The following CCNL2 variants were observed in gnomAD, a reference collection of about 807,000 sequenced individuals.
CCNL2 encodes cyclin L2.
CCNL2 carries 28 observed loss-of-function variants against 59.1 expected under a neutral mutation model. That is an observed-to-expected ratio of 0.47 (90% CI 0.35 to 0.65). The LOEUF (loss-of-function observed/expected upper bound fraction) is 0.65, where lower values mean the gene tolerates loss of function less well. Ranked by LOEUF, CCNL2 falls within the 30% of genes least tolerant of loss-of-function variation. The pLI, the probability that CCNL2 is intolerant of heterozygous loss-of-function variation, is 0.00. For missense variants in CCNL2, 714 were observed against 717.4 expected (o/e 1.00, Z 0.05); for synonymous variants, 342 against 288.6 (o/e 1.19, Z -1.88).
intron 5 of CCNL2, chr1:1,391,693 G>A (rs902274354): frequency 1.6e-5 from 9 of 573,848 alleles, no homozygotes; most frequent in East Asian, 1.8e-4. Context: ...TTCATATTTA[G>A]AAGCTATAAA....
intron 5 of CCNL2, chr1:1,391,299 A>T (rs1644748364): frequency 8.7e-7 from 1 of 1,148,278 alleles, no homozygotes; most frequent in Non-Finnish European, 1.1e-6. Flanking sequence ...ATGCAAACTC[A>T]AATGAACTGG....
Position 1,399,213 on chromosome 1 carries a change from A to C in CCNL2, c.94T>G (p.Ser32Ala), listed in dbSNP as rs1388319925. The change falls in exon 1 of 11, where the codon TCG becomes GCG. Residue 32 changes from serine to alanine, a missense_variant. Around this residue, in one of 5 missense-constraint regions of CCNL2, gnomAD observed 270 missense variants for 254.9 expected, o/e 1.06. Transcript: ENST00000400809. ...CTGTCCCCGATCAGCACCCCCTGCGACCCTGAGGGTGCGCCCCCAGATCCC... is the reference window on the plus strand; with the variant it reads ...CTGTCCCCGATCAGCACCCCCTGCGCCCCTGAGGGTGCGCCCCCAGATCCC... ...APGSGGAPSGSQGVLIGDRLY... is the reference protein window; with the variant it reads ...APGSGGAPSGAQGVLIGDRLY... The C allele has an allele frequency of 6.2e-7, 1 of 1,602,568 alleles. No homozygotes were observed. The highest frequency in any genetic ancestry group is 1.4e-5 in the African/African-American group (1 of 72,892).
chr1:1,392,667 C>G, intron 5 of CCNL2: 1 of 1,531,348 alleles, frequency 6.5e-7, no homozygotes. Flanking sequence ...CATGGCTATG[C>G]TATGTGCGTA....
In CCNL2 at chr1:1,395,910, G is replaced by A. The variant is rs150877112; in HGVS notation, c.474-396C>T. Among the ~76,000 whole-genome samples the A allele has an allele frequency of 7.5e-3, 1,140 of 152,292 alleles. 10 individuals carry two copies. The highest frequency in any genetic ancestry group is 0.025 in the African/African-American group (1,038 of 41,552). On this transcript the variant is annotated intron_variant, in intron 3 of 10. Coordinates refer to ENST00000400809, the MANE Select transcript of CCNL2 (RefSeq NM_030937.6). ...TAAATACAGATGGGCCAGGTGCAGT[G>A]GCTCTGCCTGTAATCCCAGCACTTT...
intron 2 of CCNL2, 118 bp downstream of exon 2, chr1:1,398,479 C>T (rs1486546249): frequency 1.3e-6 from 2 of 1,576,986 alleles, no homozygotes; most frequent in African/African-American, 2.7e-5. Flanking sequence ...ACAGAACCCT[C>T]CGGCACAGAG....
At chr1:1,394,048 A>G (rs999036119) in intron 4 of CCNL2, among the ~76,000 whole-genome samples, 16 of 150,974 alleles carry the variant, frequency 1.1e-4, no homozygotes, top group African/African-American at 3.9e-4. Flanking sequence ...ATCGCTTGAA[A>G]CCAGGAGGCG....
At position 1,399,308 on chromosome 1, in the gene CCNL2, T is replaced by C. The variant is rs1645243531; in HGVS notation, c.-2A>G. ...AGCCGCCGCCGCCGCCGCCGCCATT[T>C]TGTGCCGCCGACTCCCCTTCGGCTT... is the stretch of plus-strand genomic sequence containing the variant. On this transcript the variant is annotated 5_prime_UTR_variant, in exon 1 of 11. Transcript: ENST00000400809. The C allele has an allele frequency of 6.9e-7, 1 of 1,444,962 alleles. No individual in the cohort carries two copies. 89.5% of individuals were successfully genotyped at this position (1,444,962 alleles called of 1,614,324 possible). A position where few individuals can be genotyped will look rare whatever the true frequency, so the allele number is the denominator to read the frequency against.
At chr1:1,398,522 G>C (rs1433279522) in intron 2 of CCNL2, 75 bp downstream of exon 2, 20 of 1,583,528 alleles carry the variant, frequency 1.3e-5, no homozygotes, top group Non-Finnish European at 6.9e-6. Flanking sequence ...CACTCCCTTA[G>C]TAACCGGGCA....
chr1:1,399,303 C>G lies in CCNL2; in HGVS notation c.4G>C (p.Ala2Pro). Reference sequence around the variant, plus strand: ...GCACCAGCCGCCGCCGCCGCCGCCGCCATTTTGTGCCGCCGACTCCCCTTC... The same window carrying G: ...GCACCAGCCGCCGCCGCCGCCGCCGGCATTTTGTGCCGCCGACTCCCCTTC... M[A>P]AAAAAAGAAG... Residue 2 changes from alanine (A) to proline (P), a missense_variant, in exon 1 of 11, where the codon GCG (alanine) becomes CCG (proline). Ala to Pro is a conservative substitution (Grantham distance 27, BLOSUM62 -1). Around this residue, in one of 5 missense-constraint regions of CCNL2, gnomAD observed 270 missense variants for 254.9 expected, o/e 1.06. Coordinates refer to ENST00000400809, the MANE Select transcript of CCNL2 (RefSeq NM_030937.6). The G allele has an allele frequency of 6.9e-7, 1 of 1,446,916 alleles. No individual in the cohort carries two copies. Among genetic ancestry groups the G allele is most frequent in the Non-Finnish European group, 9.0e-7 (1 of 1,108,066 alleles). The allele number at this position is 1,446,916 out of a possible 1,614,324, so 89.6% of individuals were successfully genotyped here.
chr1:1,395,521 G>A lies in CCNL2; in HGVS notation c.474-7C>T, dbSNP rs566434709. ...TAGTAGAGGCACGGGCTTCCTGCCA[G>A]AGAGAGAGCACAGGGTCTGCACCAC... is the stretch of plus-strand genomic sequence containing the variant. On this transcript the variant is annotated splice_polypyrimidine_tract_variant and splice_region_variant and intron_variant, in intron 3 of 10. Transcript: ENST00000400809. 9.9e-6 allele frequency: 16 copies of A among 1,613,926 alleles called. No individual in the cohort carries two copies. The East Asian group carries it at 2.9e-4, about 29-fold the overall frequency.
At chr1:1,398,472 G>A (rs1645174482) in intron 2 of CCNL2, 125 bp downstream of exon 2, 15 of 1,570,336 alleles carry the variant, frequency 9.6e-6, no homozygotes, top group Non-Finnish European at 1.2e-5. Flanking sequence ...TCAAGAAACA[G>A]AACCCTCCGG....
Position 1,390,301 on chromosome 1 carries a change from G to T in CCNL2, c.935C>A (p.Ala312Asp), listed in dbSNP as rs1295882395. The T allele has an allele frequency of 6.2e-7, 1 of 1,613,862 alleles. No individual in the cohort carries two copies. ...KHAIEEAKAQ[A>D]RGLLPGGTQV... ...TGTGCCCCCAGGCAACAGGCCCCGGGCTTGGGCCTTTGCCTCTTCGATAGC... is the reference window on the plus strand; with the variant it reads ...TGTGCCCCCAGGCAACAGGCCCCGGTCTTGGGCCTTTGCCTCTTCGATAGC... Residue 312 changes from alanine (A) to aspartate (D), a missense_variant, in exon 8 of 11, where the codon GCC becomes GAC. Coordinates refer to ENST00000400809, the MANE Select transcript of CCNL2 (RefSeq NM_030937.6).
chr1:1,397,376 C>T (rs1205005334), intron 3 of CCNL2, among the ~76,000 whole-genome samples: 1 of 152,166 alleles, frequency 6.6e-6, no homozygotes, highest in East Asian at 1.9e-4. Flanking sequence ...CTCACTGCAG[C>T]CTCAATCTCC....
chr1:1,387,176 C>A lies in CCNL2; in HGVS notation c.*55G>T, dbSNP rs951621755. 20 of 1,446,798 alleles carry A rather than the reference C, an allele frequency of 1.4e-5. No homozygotes were observed. In the African/African-American group the frequency reaches 2.6e-4, roughly 19 times the overall value. The allele number at this position is 1,446,798 out of a possible 1,614,324, so 89.6% of individuals were successfully genotyped here. A position where few individuals can be genotyped will look rare whatever the true frequency, so the allele number is the denominator to read the frequency against. ...GCAGCCACCGGGGGTCAAAGGGCAG[C>A]CATCAGGTACTCCCCAGGGAAGGGC... On this transcript the variant is annotated 3_prime_UTR_variant, in exon 11 of 11. Transcript: ENST00000400809.
At chr1:1,395,843 T>G (rs1644989914) in intron 3 of CCNL2, among the ~76,000 whole-genome samples, 1 of 152,186 alleles carries the variant, frequency 6.6e-6, no homozygotes, top group Non-Finnish European at 1.5e-5. Flanking sequence ...AGGTACATAT[T>G]CACAGTTCAA....
chr1:1,387,736 A>G, intron 10 of CCNL2, 41 bp downstream of exon 10: 2 of 1,543,782 alleles, frequency 1.3e-6, no homozygotes, highest in African/African-American at 1.4e-5. Flanking sequence ...GGACAGCCCC[A>G]CCCCGGTATC....
intron 8 of CCNL2, 168 bp from the exon 9 acceptor site, chr1:1,388,233 G>A: frequency 1.6e-6 from 1 of 617,246 alleles, no homozygotes; most frequent in Non-Finnish European, 2.9e-6. Context: ...TCACAGAAAT[G>A]CAGATGGGGC....
rs753450886 is a variant in CCNL2, at chr1:1,388,085, T to C, written c.1007-20A>G. ...ATTCCACTAGAATCAGAACAAGAGG[T>C]TAAAAGCCAACCACAAAACACTCTC... On this transcript the variant is annotated intron_variant, in intron 8 of 10. Coordinates refer to ENST00000400809, the MANE Select transcript of CCNL2 (RefSeq NM_030937.6). The C allele has an allele frequency of 6.3e-7, 1 of 1,592,144 alleles. No homozygotes were observed. The highest frequency in any genetic ancestry group is 1.3e-5 in the African/African-American group (1 of 74,414).
chr1:1,391,659 T>G, intron 5 of CCNL2: 1 of 720,668 alleles, frequency 1.4e-6, no homozygotes, highest in Non-Finnish European at 2.1e-6. Flanking sequence ...TACTGAACAT[T>G]TCATCACAGT....
Sources: allele counts gnomAD v4.1 joint callset (sites outside exome capture counted in the v4.1 genomes callset), GRCh38; gene constraint gnomAD v4.1.1; regional missense constraint gnomAD v4.1.1; transcripts MANE v1.5; gene names NCBI Gene and HGNC (gene_info 2026-07-23, HGNC 2026-07-21).